ASAP1: variants seen among roughly 807,000 people sequenced by gnomAD.
The protein encoded by ASAP1 is ArfGAP with SH3 domain, ankyrin repeat and PH domain 1.
Under a neutral mutation model 145.2 loss-of-function variants are expected in ASAP1, and 43 were observed. The ratio of observed to expected loss-of-function variants is 0.30; its 90% confidence interval spans 0.23 to 0.38. ASAP1 has a LOEUF of 0.38. Among genes scored for constraint, ASAP1 ranks in the 10% least tolerant of loss-of-function variants. The pLI, the probability that ASAP1 is intolerant of heterozygous loss-of-function variation, is 1.00. For synonymous variants in ASAP1, 546 were observed against 515.5 expected (o/e 1.06, Z -0.80); for missense variants, 1,018 against 1,355.3 (o/e 0.75, Z 3.91).
intron 2 of ASAP1, among the ~76,000 whole-genome samples, chr8:130,378,068 A>G (rs1034776344): frequency 2.6e-5 from 4 of 152,206 alleles, no homozygotes; most frequent in African/African-American, 9.6e-5. Context: ...GAGGTAAAAG[A>G]GCTCTGGAAT....
intron 4 of ASAP1, among the ~76,000 whole-genome samples, chr8:130,215,327 G>A (rs1297526980): frequency 6.6e-6 from 1 of 152,102 alleles, no homozygotes; most frequent in Non-Finnish European, 1.5e-5. Flanking sequence ...ACTGGGTATG[G>A]TGGCTCACGC....
chr8:130,135,677 G>C (rs1011194886), intron 14 of ASAP1, among the ~76,000 whole-genome samples: 1 of 152,140 alleles, frequency 6.6e-6, no homozygotes, highest in South Asian at 2.1e-4. Context: ...GCTTTCATGA[G>C]GATTAGCACT....
At chr8:130,138,017 G>A (rs181495476) in intron 13 of ASAP1, among the ~76,000 whole-genome samples, 1 of 152,268 alleles carries the variant, frequency 6.6e-6, no homozygotes, top group East Asian at 1.9e-4. Context: ...TCCCTGTTTC[G>A]ATTGAGAGCT....
chr8:130,323,509 C>T (rs1824141351), intron 3 of ASAP1, among the ~76,000 whole-genome samples: 1 of 152,172 alleles, frequency 6.6e-6, no homozygotes, highest in Admixed American at 6.5e-5. Context: ...AGTCCCCTGT[C>T]ATGTTGGATA....
chr8:130,359,007 C>G (rs1228735452), intron 2 of ASAP1, among the ~76,000 whole-genome samples: 1 of 152,058 alleles, frequency 6.6e-6, no homozygotes, highest in Non-Finnish European at 1.5e-5. Context: ...GGCCGCCGAC[C>G]CCGCGAAGGA....
intron 25 of ASAP1, among the ~76,000 whole-genome samples, chr8:130,088,027 T>C (rs1296875717): frequency 1.3e-5 from 2 of 152,194 alleles, no homozygotes; most frequent in Admixed American, 6.5e-5. Context: ...GGCTGAATAA[T>C]GGCCACCCAA....
chr8:130,210,256 A>C (rs1816495465), intron 5 of ASAP1, among the ~76,000 whole-genome samples: 2 of 152,112 alleles, frequency 1.3e-5, no homozygotes, highest in Non-Finnish European at 2.9e-5. Flanking sequence ...GGATTTACAA[A>C]AATGTTAAAC....
intron 3 of ASAP1, among the ~76,000 whole-genome samples, chr8:130,306,547 G>A (rs1823003914): frequency 6.6e-6 from 1 of 152,148 alleles, no homozygotes; most frequent in Admixed American, 6.5e-5. Flanking sequence ...GGTCTAAGTA[G>A]AGCTGGTTCT....
chr8:130,151,251 G>T (rs2097645578), intron 13 of ASAP1, among the ~76,000 whole-genome samples: 1 of 151,220 alleles, frequency 6.6e-6, no homozygotes. Flanking sequence ...GGCGCCTGTA[G>T]TCCCAGCTAC....
intron 1 of ASAP1, among the ~76,000 whole-genome samples, chr8:130,410,553 C>G (rs1039514047): frequency 6.6e-6 from 1 of 152,236 alleles, no homozygotes; most frequent in Non-Finnish European, 1.5e-5. Context: ...TCAGGGTTCC[C>G]CTGGGAAGAA....
rs185187242 is a variant in ASAP1 at position 130,346,357 on chromosome 8, G to T, written c.186+11660C>A. Among the ~76,000 whole-genome samples the T allele has an allele frequency of 3.3e-5, 5 of 152,324 alleles. No homozygotes were observed. In the East Asian group the frequency reaches 9.6e-4, roughly 29 times the overall value. On this transcript the variant is annotated intron_variant, in intron 3 of 29. Coordinates refer to ENST00000518721, the MANE Select transcript of ASAP1 (RefSeq NM_018482.4). Reference sequence around the variant, plus strand: ...CGGTTGGTATTTAATACACTGTCAGGAAGTTCTTCTGAGTCTAACCTACAT... The same window carrying T: ...CGGTTGGTATTTAATACACTGTCAGTAAGTTCTTCTGAGTCTAACCTACAT...
At chr8:130,144,531 T>C (rs2097622447) in intron 13 of ASAP1, among the ~76,000 whole-genome samples, 1 of 152,204 alleles carries the variant, frequency 6.6e-6, no homozygotes, top group Non-Finnish European at 1.5e-5. Context: ...AGCCAAGCCC[T>C]AGGAAAACTT....
chr8:130,232,477 T>A (rs1817962525), intron 4 of ASAP1, among the ~76,000 whole-genome samples: 1 of 152,222 alleles, frequency 6.6e-6, no homozygotes, highest in South Asian at 2.1e-4. Flanking sequence ...CTGAATGGCT[T>A]GGAGAATTTT....
In ASAP1 at chr8:130,210,613, C is replaced by A. The variant is rs184150495; in HGVS notation, c.405+3943G>T. Among the ~76,000 whole-genome samples the A allele has an allele frequency of 1.4e-4, 22 of 152,308 alleles. No individual in the cohort carries two copies. The East Asian group carries it at 4.2e-3, about 29-fold the overall frequency. ...AACACACACATTAGTTTAATTATCA[C>A]CAGGACAGGCCCTGGTCATTGTGTC... On this transcript the variant is annotated intron_variant, in intron 5 of 29. Transcript: ENST00000518721.
chr8:130,274,521 G>A (rs1423919213), intron 3 of ASAP1, among the ~76,000 whole-genome samples: 1 of 152,164 alleles, frequency 6.6e-6, no homozygotes, highest in Non-Finnish European at 1.5e-5. Flanking sequence ...ATCCTAAATG[G>A]AAAACAGGTA....
intron 3 of ASAP1, among the ~76,000 whole-genome samples, chr8:130,307,189 G>A (rs998697285): frequency 6.6e-6 from 1 of 151,176 alleles, no homozygotes; most frequent in Non-Finnish European, 1.5e-5. Context: ...CTATGAAGAA[G>A]GGAATTCTGT....
chr8:130,124,239 C>T, intron 17 of ASAP1, 135 bp from the exon 18 acceptor site: 1 of 667,198 alleles, frequency 1.5e-6, no homozygotes, highest in Non-Finnish European at 2.5e-6. Context: ...CACCGTCCAT[C>T]TGGTCTACAA....
chr8:130,251,796 A>G (rs1419019127), intron 3 of ASAP1, among the ~76,000 whole-genome samples: 2 of 152,208 alleles, frequency 1.3e-5, no homozygotes, highest in Non-Finnish European at 2.9e-5. Flanking sequence ...AATTGCACTG[A>G]TAAGTTTAAA....
Position 130,060,546 on chromosome 8 carries a change from G to A in ASAP1, c.3192+33C>T, listed in dbSNP as rs559885197. The stretch of plus-strand genomic sequence containing the variant: ...CACCAACTTGCAAAGTGCGGAATAG[G>A]GTTCCTAAGGGCCTGAACATTGTCC... On this transcript the variant is annotated intron_variant, in intron 28 of 29. Transcript: ENST00000518721. 7.0e-6 allele frequency: 11 copies of A among 1,562,540 alleles called. No homozygotes were observed. In the African/African-American group the frequency reaches 1.5e-4, roughly 21 times the overall value.
Sources: gnomAD v4.1 joint callset for allele counts (sites outside exome capture counted in the v4.1 genomes callset) on GRCh38, gnomAD v4.1.1 for gene constraint, MANE v1.5 for transcripts, NCBI Gene and HGNC (gene_info 2026-07-23, HGNC 2026-07-21) for gene names.